Variants in SERPINF1 observed in about 807,000 individuals in gnomAD.
SERPINF1 encodes serpin family F member 1.
Under a neutral mutation model 37.3 loss-of-function variants are expected in SERPINF1, and 29 were observed. The observed-to-expected ratio is 0.78, with a 90% CI of 0.58 to 1.06. SERPINF1 has a LOEUF of 1.06. Ranked by LOEUF, SERPINF1 falls within the 50% of genes least tolerant of loss-of-function variation. The pLI is 0.00. For synonymous variants in SERPINF1, 281 were observed against 227.9 expected, an observed-to-expected ratio of 1.23 and a Z score of -2.10; for missense variants, 553 against 532.2, an observed-to-expected ratio of 1.04 and a Z score of -0.38.
chr17:1,770,137 T>C, intron 3 of SERPINF1, 87 bp downstream of exon 3: 1 of 1,460,778 alleles, frequency 6.8e-7, no homozygotes, highest in Non-Finnish European at 9.4e-7. Flanking sequence ...TTATTGACAT[T>C]TCAGTTCAGC....
intron 1 of SERPINF1, among the ~76,000 whole-genome samples, chr17:1,765,069 C>G (rs1907290500): frequency 6.6e-6 from 1 of 151,532 alleles, no homozygotes; most frequent in Non-Finnish European, 1.5e-5. Flanking sequence ...GTCTCAAACT[C>G]CTGACCTCAG....
chr17:1,777,224 G>A lies in SERPINF1; in HGVS notation c.1035G>A (p.Lys345=). The change falls in exon 8 of 8, where the codon AAG becomes AAA. Residue 345 remains lysine, a synonymous_variant. Transcript: ENST00000254722. ...TGTTTGATTCACCAGACTTTAGCAA[G>A]ATCACAGGCAAACCCATCAAGCTGA... The part of the protein sequence containing the change: ...QSLFDSPDFS[K]ITGKPIKLTQ... 1 of 1,614,070 alleles carries A rather than the reference G, an allele frequency of 6.2e-7. No individual in the cohort carries two copies. Among genetic ancestry groups the A allele is most frequent in the South Asian group, 1.1e-5 (1 of 91,082 alleles).
intron 2 of SERPINF1, chr17:1,769,596 C>T: frequency 1.9e-6 from 1 of 536,690 alleles, no homozygotes; most frequent in South Asian, 2.0e-5. Flanking sequence ...TGAACTCTAG[C>T]CTGGGTGACA....
intron 5 of SERPINF1, among the ~76,000 whole-genome samples, chr17:1,774,160 A>C (rs1907893323): frequency 6.6e-6 from 1 of 152,142 alleles, no homozygotes; most frequent in Non-Finnish European, 1.5e-5. Flanking sequence ...ACTGTCTCCC[A>C]GAGACACTGC....
intron 7 of SERPINF1, 25 bp from the exon 8 acceptor site, chr17:1,777,162 C>T (rs771415415): frequency 7.4e-6 from 12 of 1,613,914 alleles, no homozygotes; most frequent in Admixed American, 3.3e-5. Context: ...AGGGTTTTAA[C>T]GGAAATCTCT....
chr17:1,772,109 T>C lies in SERPINF1; in HGVS notation c.643+34T>C, dbSNP rs765561946. 11 of 1,593,118 alleles carry C rather than the reference T, an allele frequency of 6.9e-6. No homozygotes were observed. In the African/African-American group the frequency reaches 1.5e-4, roughly 21 times the overall value. ...GTCTCCAATTCTTTTTCATTTATTT[T>C]ACTGTATTTTAACTAATTAATTAAT... On this transcript the variant is annotated intron_variant, in intron 5 of 7. Coordinates refer to ENST00000254722, the MANE Select transcript of SERPINF1 (RefSeq NM_002615.7).
intron 5 of SERPINF1, among the ~76,000 whole-genome samples, chr17:1,772,752 GTT>G (rs1483000479): frequency 1.4e-4 from 21 of 146,590 alleles, no homozygotes; most frequent in African/African-American, 4.8e-4. Flanking sequence ...TAGAGACGGG[GTT>G]TCACCGTGGT....
intron 6 of SERPINF1, 156 bp from the exon 7 acceptor site, chr17:1,776,376 C>G: frequency 1.4e-6 from 1 of 731,542 alleles, no homozygotes; most frequent in South Asian, 1.5e-5. Context: ...TGCCAGAAAG[C>G]TATAACCTGG....
intron 5 of SERPINF1, among the ~76,000 whole-genome samples, chr17:1,772,647 C>T (rs1209021512): frequency 6.6e-6 from 1 of 151,912 alleles, no homozygotes; most frequent in South Asian, 2.1e-4. Flanking sequence ...CAAGCTCTGC[C>T]TTCCAGGTTC....
intron 7 of SERPINF1, 133 bp from the exon 8 acceptor site, chr17:1,777,054 T>A (rs1908080838): frequency 7.1e-7 from 1 of 1,412,990 alleles, no homozygotes; most frequent in Non-Finnish European, 9.9e-7. Flanking sequence ...CCACCCTCGG[T>A]CAGCTCAGAC....
At chr17:1,768,430 C>CAAAAAAA (rs71150813) in intron 2 of SERPINF1, among the ~76,000 whole-genome samples, 11 of 91,756 alleles carry the variant, frequency 1.2e-4, no homozygotes, top group African/African-American at 3.9e-4. Context: ...GACTCCGTCT[C>CAAAAAAA]AAAAAAAAAA....
At chr17:1,770,150 G>T in intron 3 of SERPINF1, 100 bp downstream of exon 3, 1 of 1,342,672 alleles carries the variant, frequency 7.4e-7, no homozygotes, top group Non-Finnish European at 1.0e-6. Context: ...AGTTCAGCGA[G>T]GGGTGAAGTA....
chr17:1,766,932 C>G lies in SERPINF1; in HGVS notation c.22C>G (p.Leu8Val). 1 of 1,564,892 alleles carries G rather than the reference C, an allele frequency of 6.4e-7. No individual in the cohort carries two copies. ...CAGGATGCAGGCCCTGGTGCTACTC[C>G]TCTGCATTGGAGCCCTCCTCGGGCA... MQALVLL[L>V]CIGALLGHSS... Residue 8 changes from leucine (L) to valine (V), a missense_variant, in exon 2 of 8, where the codon CTC becomes GTC. Leu to Val is a conservative substitution (Grantham distance 32, BLOSUM62 1). Coordinates refer to ENST00000254722, the MANE Select transcript of SERPINF1 (RefSeq NM_002615.7).
intron 5 of SERPINF1, 94 bp from the exon 6 acceptor site, chr17:1,774,964 G>A (rs1661529136): frequency 3.2e-6 from 5 of 1,545,144 alleles, no homozygotes; most frequent in African/African-American, 2.7e-5. Context: ...CCTTGAGTGG[G>A]GCAATTTTCA....
chr17:1,767,296 C>A (rs1350983771), intron 2 of SERPINF1, among the ~76,000 whole-genome samples: 1 of 152,188 alleles, frequency 6.6e-6, no homozygotes, highest in Non-Finnish European at 1.5e-5. Flanking sequence ...GCATGCACCA[C>A]CAAGCCCGGC....
In SERPINF1 at chr17:1,775,359, T is replaced by C. The variant is rs146895660; in HGVS notation, c.786+159T>C. The stretch of plus-strand genomic sequence containing the variant: ...GGTTAATAACATGTCTGAGCTTTCC[T>C]CCTCTTAAGATGGGGCAGGGGATCG... On this transcript the variant is annotated intron_variant, in intron 6 of 7. Coordinates refer to ENST00000254722, the MANE Select transcript of SERPINF1 (RefSeq NM_002615.7). 4.2e-3 allele frequency among the ~76,000 whole-genome samples: 634 copies of C among 152,208 alleles called. 4 individuals carry two copies. Among genetic ancestry groups the C allele is most frequent in the African/African-American group, 0.014 (593 of 41,506 alleles).
intron 4 of SERPINF1, 157 bp from the exon 5 acceptor site, chr17:1,771,715 G>A (rs1907747237): frequency 2.7e-6 from 2 of 735,398 alleles, no homozygotes; most frequent in Non-Finnish European, 4.8e-6. Context: ...CAGTGCCTGG[G>A]GATGCCAGCA....
intron 1 of SERPINF1, among the ~76,000 whole-genome samples, chr17:1,764,136 C>G (rs1003870600): frequency 6.6e-6 from 1 of 152,210 alleles, no homozygotes; most frequent in Non-Finnish European, 1.5e-5. Context: ...GAGCTGAGAT[C>G]GCGCCACTGC....
intron 5 of SERPINF1, among the ~76,000 whole-genome samples, chr17:1,774,458 A>C (rs1488710393): frequency 1.3e-5 from 2 of 152,086 alleles, no homozygotes; most frequent in African/African-American, 2.4e-5. Flanking sequence ...TTGGCCTCCC[A>C]AAGTGCTGAG....
Sources: allele counts gnomAD v4.1 joint callset (sites outside exome capture counted in the v4.1 genomes callset), GRCh38; gene constraint gnomAD v4.1.1; transcripts MANE v1.5; gene names NCBI Gene and HGNC (gene_info 2026-07-23, HGNC 2026-07-21).